AKAP6: variants seen among roughly 807,000 people sequenced by gnomAD.
AKAP6 encodes the protein A-kinase anchoring protein 6, also known as A-kinase anchor protein 6.
A neutral mutation model predicts 188.5 loss-of-function variants in AKAP6; 58 were observed. The ratio of observed to expected loss-of-function variants is 0.31; its 90% CI spans 0.25 to 0.38. The LOEUF (loss-of-function observed/expected upper bound fraction) is 0.38, where lower values mean the gene tolerates loss of function less well. Among genes scored for constraint, AKAP6 ranks in the 10% least tolerant of loss-of-function variants. The probability of loss-of-function intolerance (pLI) is 1.00; values close to 1 mark genes in which losing one functional copy is unlikely to be tolerated. For missense variants in AKAP6, 2,710 were observed against 2,740.0 expected (o/e 0.99, Z 0.24); for synonymous variants, 989 against 998.6 (o/e 0.99, Z 0.18).
At chr14:32,579,377 A>ATTGATTGTAT (rs1884867172) in intron 5 of AKAP6, among the ~76,000 whole-genome samples, 1 of 151,970 alleles carries the variant, frequency 6.6e-6, no homozygotes, top group Non-Finnish European at 1.5e-5. Context: ...CTACTATCCC[A>ATTGATTGTAT]TGTCTGATTA....
chr14:32,751,345 T>C (rs951029536), intron 11 of AKAP6, among the ~76,000 whole-genome samples: 3 of 152,174 alleles, frequency 2.0e-5, no homozygotes, highest in African/African-American at 4.8e-5. Flanking sequence ...ATAAAATTTT[T>C]CTAAGGGCAG....
Position 32,549,721 on chromosome 14 carries a change from T to C in AKAP6, c.2346+2722T>C, listed in dbSNP as rs75156192. Among the ~76,000 whole-genome samples, 1,263 of 152,342 alleles carry C rather than the reference T, an allele frequency of 8.3e-3. 11 individuals are homozygous for C. The highest frequency in any genetic ancestry group is 0.013 in the Non-Finnish European group (855 of 68,030). ...ACTTAAGTCCCGGAAGGGAGGATTTTTTCAGATGAAGAAACTAAGGCAGTA... is the reference window on the plus strand; with the variant it reads ...ACTTAAGTCCCGGAAGGGAGGATTTCTTCAGATGAAGAAACTAAGGCAGTA... On this transcript the variant is annotated intron_variant, in intron 4 of 13. Transcript: ENST00000280979.
chr14:32,799,798 A>G (rs1016924839), intron 12 of AKAP6, among the ~76,000 whole-genome samples: 2 of 151,998 alleles, frequency 1.3e-5, no homozygotes, highest in Non-Finnish European at 2.9e-5. Context: ...TTGTTGGATC[A>G]AGTATTCTAT....
At chr14:32,362,177 G>A (rs191927210) in intron 1 of AKAP6, among the ~76,000 whole-genome samples, 34 of 152,214 alleles carry the variant, frequency 2.2e-4, no homozygotes, top group Middle Eastern at 3.4e-3. Context: ...CAGGTTAAAT[G>A]TTTTATATTT....
rs1032522103 is a variant in AKAP6, at chr14:32,819,361, G to A, written c.3589-2041G>A. Among the ~76,000 whole-genome samples the A allele has an allele frequency of 5.9e-5, 9 of 152,236 alleles. No homozygotes were observed. In the South Asian group the frequency reaches 1.7e-3, roughly 28 times the overall value. Reference sequence around the variant, plus strand: ...CTATTAGTTTCAGGAAGGATTGAGGGCTTCTTAGGAAAGTTTGCTAACATG... The same window carrying A: ...CTATTAGTTTCAGGAAGGATTGAGGACTTCTTAGGAAAGTTTGCTAACATG... On this transcript the variant is annotated intron_variant, in intron 12 of 13. Transcript: ENST00000280979.
intron 1 of AKAP6, among the ~76,000 whole-genome samples, chr14:32,431,021 C>T (rs76629348): frequency 0.056 from 8,508 of 151,682 alleles, 815 homozygotes; most frequent in East Asian, 0.49. Flanking sequence ...AGGAGAATGG[C>T]GTGAACCCGG....
At chr14:32,544,901 CTTTG>C (rs1255817216) in intron 3 of AKAP6, among the ~76,000 whole-genome samples, 1 of 151,982 alleles carries the variant, frequency 6.6e-6, no homozygotes, top group East Asian at 1.9e-4. Flanking sequence ...TTACTTAAGG[CTTTG>C]TTTATGAAAT....
rs150991534 is a variant in AKAP6, at chr14:32,805,718, A to G, written c.3589-15684A>G. 2.5e-3 allele frequency among the ~76,000 whole-genome samples: 374 copies of G among 152,262 alleles called. 3 individuals are homozygous for G. The highest frequency in any genetic ancestry group is 8.7e-3 in the African/African-American group (362 of 41,554). ...CTCTATAGAAGATCAGATTTACTCCAATTTTCTTTTTCATTTAGTTCTAAT... is the reference window on the plus strand; with the variant it reads ...CTCTATAGAAGATCAGATTTACTCCGATTTTCTTTTTCATTTAGTTCTAAT... On this transcript the variant is annotated intron_variant, in intron 12 of 13. Transcript: ENST00000280979.
At chr14:32,790,505 C>T (rs916787514) in intron 12 of AKAP6, among the ~76,000 whole-genome samples, 1 of 152,176 alleles carries the variant, frequency 6.6e-6, no homozygotes, top group African/African-American at 2.4e-5. Context: ...GGAAACCCAT[C>T]AGACTAACCG....
rs2030071166 is a variant in AKAP6, at chr14:32,714,436, T to C, written c.3001-18018T>C. Among the ~76,000 whole-genome samples the C allele has an allele frequency of 2.0e-5, 3 of 151,762 alleles. No homozygotes were observed. The South Asian group carries it at 6.2e-4, about 32-fold the overall frequency. Reference sequence around the variant, plus strand: ...CATAATAAAACCAAGTATGCCTGTATTTTTTTTAAAGTACCATAAAAAGTG... The same window carrying C: ...CATAATAAAACCAAGTATGCCTGTACTTTTTTTAAAGTACCATAAAAAGTG... On this transcript the variant is annotated intron_variant, in intron 9 of 13. Coordinates refer to ENST00000280979, the MANE Select transcript of AKAP6 (RefSeq NM_004274.5).
intron 3 of AKAP6, among the ~76,000 whole-genome samples, chr14:32,536,615 A>G (rs1481889088): frequency 6.6e-6 from 1 of 152,202 alleles, no homozygotes; most frequent in Admixed American, 6.5e-5. Flanking sequence ...CATTCTAGAT[A>G]CAGTGAATCA....
intron 2 of AKAP6, among the ~76,000 whole-genome samples, chr14:32,442,110 A>G (rs1890594746): frequency 1.3e-5 from 2 of 152,228 alleles, no homozygotes; most frequent in South Asian, 4.1e-4. Flanking sequence ...TTGCATTCAT[A>G]GAGTATCTAA....
intron 8 of AKAP6, among the ~76,000 whole-genome samples, chr14:32,686,326 T>C (rs372807137): frequency 3.9e-5 from 6 of 152,220 alleles, no homozygotes; most frequent in South Asian, 4.2e-4. Context: ...GAGGTGTAGA[T>C]GGTTAATGGG....
At chr14:32,738,996 A>T (rs1255888335) in intron 11 of AKAP6, among the ~76,000 whole-genome samples, 1 of 152,132 alleles carries the variant, frequency 6.6e-6, no homozygotes, top group East Asian at 1.9e-4. Flanking sequence ...GATTACAAAA[A>T]TTATTATAAG....
intron 7 of AKAP6, among the ~76,000 whole-genome samples, chr14:32,665,384 C>T (rs555244641): frequency 2.0e-5 from 3 of 152,128 alleles, no homozygotes; most frequent in African/African-American, 2.4e-5. Flanking sequence ...CACAGAGCTC[C>T]GGGAAACACT....
At chr14:32,797,925 G>GAAA (rs57455449) in intron 12 of AKAP6, among the ~76,000 whole-genome samples, 20,950 of 127,640 alleles carry the variant, frequency 0.16, 2,011 homozygotes, top group African/African-American at 0.29. Context: ...CTTCTGCACA[G>GAAA]AAAAAAAAAA....
intron 3 of AKAP6, among the ~76,000 whole-genome samples, chr14:32,537,062 A>G (rs1466320269): frequency 6.6e-6 from 1 of 152,242 alleles, no homozygotes; most frequent in Non-Finnish European, 1.5e-5. Flanking sequence ...ATTGACATTA[A>G]TGTTTCAGTG....
At chr14:32,425,104 A>T (rs1277160815) in intron 1 of AKAP6, among the ~76,000 whole-genome samples, 1 of 152,158 alleles carries the variant, frequency 6.6e-6, no homozygotes, top group Non-Finnish European at 1.5e-5. Context: ...TTACACTCCC[A>T]CCAACAGTGT....
intron 5 of AKAP6, among the ~76,000 whole-genome samples, chr14:32,579,637 C>T (rs1461916230): frequency 6.6e-6 from 1 of 152,136 alleles, no homozygotes; most frequent in Non-Finnish European, 1.5e-5. Flanking sequence ...ACTTTAGATA[C>T]AGCCTGTGGC....
Sources: allele counts gnomAD v4.1 joint callset (sites outside exome capture counted in the v4.1 genomes callset), GRCh38; gene constraint gnomAD v4.1.1; transcripts MANE v1.5; gene names NCBI Gene and HGNC (gene_info 2026-07-23, HGNC 2026-07-21).